Variants in ATP10D observed in about 807,000 individuals in gnomAD.
ATP10D encodes ATPase phospholipid transporting 10D (putative), also known as phospholipid-transporting ATPase VD.
A neutral mutation model predicts 144.8 loss-of-function variants in ATP10D; 89 were observed. The ratio of observed to expected loss-of-function variants is 0.61; its 90% CI spans 0.52 to 0.73. The LOEUF is 0.73. ATP10D is among the 30% of genes least tolerant of loss of function. The probability of loss-of-function intolerance (pLI) is 0.00; values close to 1 mark genes in which losing one functional copy is unlikely to be tolerated. For synonymous variants in ATP10D, 571 were observed against 615.1 expected (o/e 0.93, Z 1.06); for missense variants, 1,603 against 1,714.8 (o/e 0.93, Z 1.15).
chr4:47,505,264 C>A (rs935884711), intron 1 of ATP10D, among the ~76,000 whole-genome samples: 2 of 152,230 alleles, frequency 1.3e-5, no homozygotes, highest in South Asian at 4.1e-4. Flanking sequence ...ATAAATTGCT[C>A]AGTCTTAATT....
intron 1 of ATP10D, among the ~76,000 whole-genome samples, chr4:47,503,719 A>G (rs1715845975): frequency 6.6e-6 from 1 of 152,044 alleles, no homozygotes; most frequent in Non-Finnish European, 1.5e-5. Context: ...CAGTATAGAA[A>G]GACCCTGTCT....
At position 47,516,843 on chromosome 4, in the gene ATP10D, A is replaced by G. The variant is rs139392874; in HGVS notation, c.485+1173A>G. 8.0e-3 allele frequency among the ~76,000 whole-genome samples: 1,225 copies of G among 152,342 alleles called. 21 individuals are homozygous for G. Among genetic ancestry groups the G allele is most frequent in the Admixed American group, 0.037 (565 of 15,296 alleles). On this transcript the variant is annotated intron_variant, in intron 3 of 22. Transcript: ENST00000273859. ...TTAAAATGAAATAATGGTATAAGTC[A>G]TTGGTTTTCATTTAAAGGCATAGAG...
At chr4:47,506,400 CTTCAATTCTG>C (rs1006343273) in intron 1 of ATP10D, among the ~76,000 whole-genome samples, 1 of 152,148 alleles carries the variant, frequency 6.6e-6, no homozygotes, top group African/African-American at 2.4e-5. Flanking sequence ...ATTTATGTTT[CTTCAATTCTG>C]ATCTTAGCTG....
At chr4:47,505,308 A>G (rs1057368325) in intron 1 of ATP10D, among the ~76,000 whole-genome samples, 7 of 152,240 alleles carry the variant, frequency 4.6e-5, no homozygotes, top group African/African-American at 1.7e-4. Flanking sequence ...GTTACTTAGC[A>G]TAGAGTAGTG....
chr4:47,517,323 G>A (rs1236819903), intron 3 of ATP10D, among the ~76,000 whole-genome samples: 2 of 152,102 alleles, frequency 1.3e-5, no homozygotes, highest in African/African-American at 2.4e-5. Flanking sequence ...GGCTGAGGTG[G>A]GAGGATCGCC....
chr4:47,564,396 C>A (rs914595742), intron 15 of ATP10D, among the ~76,000 whole-genome samples: 3 of 151,806 alleles, frequency 2.0e-5, no homozygotes, highest in African/African-American at 7.3e-5. Context: ...AGGACTTAGC[C>A]CAAAATGAGA....
chr4:47,563,873 G>A lies in ATP10D; in HGVS notation c.2853+108G>A. ...AAAAAAAACAAAACAGCAACCGTTA[G>A]CTTTTTTTGTTGTTTGTTTGTTTGT... On this transcript the variant is annotated intron_variant, in intron 15 of 22. Coordinates refer to ENST00000273859, the MANE Select transcript of ATP10D (RefSeq NM_020453.4). The A allele has an allele frequency of 2.7e-6, 3 of 1,109,992 alleles. No individual in the cohort carries two copies. The South Asian group carries it at 6.4e-5, about 24-fold the overall frequency. 68.8% of individuals were successfully genotyped at this position (1,109,992 alleles called of 1,614,324 possible). A position where few individuals can be genotyped will look rare whatever the true frequency, so the allele number is the denominator to read the frequency against.
intron 1 of ATP10D, among the ~76,000 whole-genome samples, chr4:47,505,801 T>C (rs1237005079): frequency 2.0e-5 from 3 of 151,970 alleles, no homozygotes; most frequent in Non-Finnish European, 4.4e-5. Flanking sequence ...ATTCAGGAGA[T>C]TCTGATGCAA....
chr4:47,553,664 A>T (rs1423178451), intron 10 of ATP10D, among the ~76,000 whole-genome samples: 1 of 152,174 alleles, frequency 6.6e-6, no homozygotes, highest in Non-Finnish European at 1.5e-5. Context: ...GCTGCCCAAG[A>T]CCTCCAGTTA....
chr4:47,572,644 C>CGTGTGTGTGTGTGT lies in ATP10D; in HGVS notation c.3241-205_3241-192dup, dbSNP rs72171059. Among the ~76,000 whole-genome samples, 179 of 145,304 alleles carry CGTGTGTGTGTGTGT rather than the reference C, an allele frequency of 1.2e-3. 2 individuals are homozygous for CGTGTGTGTGTGTGT. The highest frequency in any genetic ancestry group is 3.9e-3 in the South Asian group (17 of 4,386). The stretch of plus-strand genomic sequence containing the variant: ...AGTGGGAGTGTCCTATTTGTGCGCA[C>CGTGTGTGTGTGTGT]GTGTGTGTGTGTGTGTGTGTGTGTG... On this transcript the variant is annotated intron_variant, in intron 17 of 22. Coordinates refer to ENST00000273859, the MANE Select transcript of ATP10D (RefSeq NM_020453.4).
chr4:47,505,951 C>G (rs1449458465), intron 1 of ATP10D, among the ~76,000 whole-genome samples: 1 of 152,030 alleles, frequency 6.6e-6, no homozygotes, highest in Non-Finnish European at 1.5e-5. Flanking sequence ...ATTCATTATC[C>G]TGTATTTACC....
At chr4:47,544,148 G>A (rs1244180833) in intron 9 of ATP10D, among the ~76,000 whole-genome samples, 2 of 152,160 alleles carry the variant, frequency 1.3e-5, no homozygotes, top group Non-Finnish European at 2.9e-5. Flanking sequence ...TACCATTTTT[G>A]TGAGATGGGG....
rs558857753 is a variant in ATP10D at position 47,502,314 on chromosome 4, G to A, written c.-37-10190G>A. On this transcript the variant is annotated intron_variant, in intron 1 of 22. Transcript: ENST00000273859. ...GTGAAACCCCGTCTCTACTAAAAAT[G>A]CAAGAAATTAGCTGGGCGTGGTGGC... Among the ~76,000 whole-genome samples the A allele has an allele frequency of 8.5e-5, 13 of 152,088 alleles. No individual in the cohort carries two copies. In the South Asian group the frequency reaches 1.7e-3, roughly 19 times the overall value.
chr4:47,509,329 A>G (rs1716192008), intron 1 of ATP10D, among the ~76,000 whole-genome samples: 1 of 152,222 alleles, frequency 6.6e-6, no homozygotes, highest in Non-Finnish European at 1.5e-5. Flanking sequence ...TAGAACAAAT[A>G]CCTATTTCTA....
chr4:47,523,136 A>G lies in ATP10D; in HGVS notation c.610A>G (p.Ile204Val). 6.2e-7 allele frequency: 1 copy of G among 1,614,118 alleles called. No homozygotes were observed. Among genetic ancestry groups the G allele is most frequent in the South Asian group, 1.1e-5 (1 of 91,078 alleles). Residue 204 changes from isoleucine (I) to valine (V), a missense_variant, in exon 4 of 23, where the codon ATC becomes GTC. Transcript: ENST00000273859. ...VLLFSTDPDG[I>V]CHIETSGLDG... ...ACTCTTTTCCACTGATCCAGATGGAATCTGTCACATTGAGACTTCTGGTCT... is the reference window on the plus strand; with the variant it reads ...ACTCTTTTCCACTGATCCAGATGGAGTCTGTCACATTGAGACTTCTGGTCT...
At chr4:47,589,537 T>G (rs553127105) in intron 22 of ATP10D, among the ~76,000 whole-genome samples, 104 of 152,260 alleles carry the variant, frequency 6.8e-4, no homozygotes, top group African/African-American at 2.4e-3. Flanking sequence ...TCTTGATAGC[T>G]ACATTTACTT....
At chr4:47,527,564 C>T (rs888868571) in intron 5 of ATP10D, among the ~76,000 whole-genome samples, 6 of 152,016 alleles carry the variant, frequency 3.9e-5, no homozygotes, top group Non-Finnish European at 8.8e-5. Context: ...GACTTATATT[C>T]ATAATATATA....
chr4:47,549,086 G>A (rs1209894164), intron 10 of ATP10D, among the ~76,000 whole-genome samples: 1 of 152,198 alleles, frequency 6.6e-6, no homozygotes, highest in Non-Finnish European at 1.5e-5. Context: ...GCATTAGAAT[G>A]TCACTGAGGC....
chr4:47,522,973 T>G, intron 3 of ATP10D, 39 bp from the exon 4 acceptor site: 22 of 1,486,888 alleles, frequency 1.5e-5, no homozygotes, highest in Non-Finnish European at 1.7e-5. Context: ...ATTTTTCACT[T>G]GATATTCTTT....
Sources: allele counts gnomAD v4.1 joint callset (sites outside exome capture counted in the v4.1 genomes callset), GRCh38; gene constraint gnomAD v4.1.1; transcripts MANE v1.5; gene names NCBI Gene and HGNC (gene_info 2026-07-23, HGNC 2026-07-21).